Variants in COLEC12 observed in about 807,000 individuals in gnomAD.
The protein encoded by COLEC12 is collectin subfamily member 12.
COLEC12 carries 33 observed loss-of-function variants against 71.1 expected under a neutral mutation model. The ratio of observed to expected loss-of-function variants is 0.46; its 90% CI spans 0.35 to 0.62. COLEC12 has a LOEUF of 0.62. Among genes scored for constraint, COLEC12 ranks in the 20% least tolerant of loss-of-function variants. The pLI, the probability that COLEC12 is intolerant of heterozygous loss-of-function variation, is 0.00. For synonymous variants in COLEC12, 350 were observed against 353.0 expected (o/e 0.99, Z 0.10); for missense variants, 765 against 916.1 (o/e 0.84, Z 2.13).
rs1917801055 is a variant in COLEC12, at chr18:500,457, C to G, written c.7+51G>C. ...GCACCTCCGTGGCCTCCCGCGCGCCCCGAAGCCCGTTCCCCCCGCCCAGAG... is the reference window on the plus strand; with the variant it reads ...GCACCTCCGTGGCCTCCCGCGCGCCGCGAAGCCCGTTCCCCCCGCCCAGAG... On this transcript the variant is annotated intron_variant, in intron 1 of 9. Coordinates refer to ENST00000400256, the MANE Select transcript of COLEC12 (RefSeq NM_130386.3). The surrounding 1 kb of genome is among the most constrained non-coding windows in gnomAD (Gnocchi z 5.3). The G allele has an allele frequency of 3.3e-6, 4 of 1,214,704 alleles. No homozygotes were observed. The highest frequency in any genetic ancestry group is 3.2e-5 in the African/African-American group (2 of 63,424). 75.2% of individuals were successfully genotyped at this position (1,214,704 alleles called of 1,614,324 possible).
At chr18:394,462 G>A (rs1915526557) in intron 2 of COLEC12, among the ~76,000 whole-genome samples, 1 of 152,234 alleles carries the variant, frequency 6.6e-6, no homozygotes, top group Non-Finnish European at 1.5e-5. Flanking sequence ...ATTGGGTGAT[G>A]TAATACCACA....
intron 1 of COLEC12, among the ~76,000 whole-genome samples, chr18:488,588 T>C (rs1016118048): frequency 6.6e-6 from 1 of 151,934 alleles, no homozygotes; most frequent in Non-Finnish European, 1.5e-5. Flanking sequence ...CTAGGTGCAG[T>C]GGCTCACTGG....
chr18:469,449 C>T (rs1049067610), intron 2 of COLEC12, among the ~76,000 whole-genome samples: 4 of 152,174 alleles, frequency 2.6e-5, no homozygotes, highest in African/African-American at 9.7e-5. Context: ...CTTTATTGTC[C>T]ATGGTGTCCA....
intron 2 of COLEC12, among the ~76,000 whole-genome samples, chr18:428,338 C>T (rs974520911): frequency 6.6e-6 from 1 of 151,954 alleles, no homozygotes; most frequent in African/African-American, 2.4e-5. Flanking sequence ...GTTCTATGCA[C>T]TGGGAATATG....
In COLEC12 at chr18:319,188, G is replaced by T; in HGVS notation, c.*857C>A. The T allele has an allele frequency of 6.6e-6, 1 of 152,024 alleles. No individual in the cohort carries two copies. The highest frequency in any genetic ancestry group is 1.5e-5 in the Non-Finnish European group (1 of 67,962). The allele number at this position is 152,024 out of a possible 1,614,324, so 9.4% of individuals were successfully genotyped here. ...TGGTCAGGCACACGTCAAGAATGTT[G>T]GCTGGTGATGGGCTCAAGGCAGGCA... On this transcript the variant is annotated 3_prime_UTR_variant, in exon 10 of 10. Coordinates refer to ENST00000400256, the MANE Select transcript of COLEC12 (RefSeq NM_130386.3).
chr18:468,850 G>A (rs905967296), intron 2 of COLEC12, among the ~76,000 whole-genome samples: 5 of 152,202 alleles, frequency 3.3e-5, no homozygotes, highest in Admixed American at 2.0e-4. Context: ...GGACTTCACT[G>A]TTTATCGGAG....
At position 334,788 on chromosome 18, in the gene COLEC12, C is replaced by T; in HGVS notation, c.1770G>A (p.Val590=). ...TTGGCTCATTCTGCAGGGCCAGGGG[C>T]ACCACCGCTCCTGATGGGCCAGGAG... ...PGPPGPSGAV[V]PLALQNEPTP... Residue 590 remains valine (V), a synonymous_variant, in exon 6 of 10, where the codon GTG becomes GTA. Coordinates refer to ENST00000400256, the MANE Select transcript of COLEC12 (RefSeq NM_130386.3). The T allele has an allele frequency of 6.7e-7, 1 of 1,490,714 alleles. No homozygotes were observed. The highest frequency in any genetic ancestry group is 8.9e-7 in the Non-Finnish European group (1 of 1,126,956). 92.3% of individuals were successfully genotyped at this position (1,490,714 alleles called of 1,614,324 possible).
chr18:390,416 A>G (rs1468332355), intron 2 of COLEC12, among the ~76,000 whole-genome samples: 1 of 152,180 alleles, frequency 6.6e-6, no homozygotes, highest in Non-Finnish European at 1.5e-5. Flanking sequence ...AAACCAGTTC[A>G]ATGGGCTAAG....
At chr18:369,716 GA>G (rs1914959123) in intron 2 of COLEC12, among the ~76,000 whole-genome samples, 1 of 152,158 alleles carries the variant, frequency 6.6e-6, no homozygotes, top group South Asian at 2.1e-4. Flanking sequence ...TAGTGAAACT[GA>G]GAATGTTTAA....
intron 1 of COLEC12, among the ~76,000 whole-genome samples, chr18:489,683 A>G (rs960521638): frequency 6.6e-6 from 1 of 152,240 alleles, no homozygotes; most frequent in African/African-American, 2.4e-5. Flanking sequence ...GCTATGCAAG[A>G]AACATGACTC....
In COLEC12 at chr18:331,752, C is replaced by T. The variant is rs1393686777; in HGVS notation, c.1979G>A (p.Gly660Glu). The T allele has an allele frequency of 1.9e-6, 3 of 1,613,644 alleles. No individual in the cohort carries two copies. Among genetic ancestry groups the T allele is most frequent in the Non-Finnish European group, 2.5e-6 (3 of 1,179,636 alleles). ...EQQWIKKQMV[G>E]RESHWIGLTD... ...GAGGCCGATCCAGTGGCTCTCTCTC[C>T]CTACCATCTGTTTTTTTATCCATTG... Residue 660 changes from glycine (G) to glutamate (E), a missense_variant, in exon 8 of 10, where the codon GGG (glycine) becomes GAG (glutamate). Coordinates refer to ENST00000400256, the MANE Select transcript of COLEC12 (RefSeq NM_130386.3).
intron 2 of COLEC12, among the ~76,000 whole-genome samples, chr18:453,241 G>A (rs922481150): frequency 2.6e-5 from 4 of 152,224 alleles, no homozygotes; most frequent in African/African-American, 9.6e-5. Context: ...AGATAGGAAC[G>A]TGCTAGGAGA....
intron 2 of COLEC12, among the ~76,000 whole-genome samples, chr18:360,305 C>T (rs1914717308): frequency 6.6e-6 from 1 of 152,024 alleles, no homozygotes; most frequent in Non-Finnish European, 1.5e-5. Context: ...GCCTCAGCCT[C>T]CCGAGTAGCT....
intron 2 of COLEC12, among the ~76,000 whole-genome samples, chr18:432,485 A>C (rs530279447): frequency 6.6e-6 from 1 of 152,314 alleles, no homozygotes; most frequent in African/African-American, 2.4e-5. Context: ...AGGGGGTAAG[A>C]CTGCAATCAG....
At chr18:355,440 G>A (rs898771804) in intron 3 of COLEC12, among the ~76,000 whole-genome samples, 2 of 152,090 alleles carry the variant, frequency 1.3e-5, no homozygotes, top group African/African-American at 4.8e-5. Flanking sequence ...GCCAGAGCCA[G>A]GAAGGGCTTT....
chr18:476,099 T>C (rs1289072045), intron 2 of COLEC12, among the ~76,000 whole-genome samples: 1 of 152,246 alleles, frequency 6.6e-6, no homozygotes, highest in Non-Finnish European at 1.5e-5. Flanking sequence ...TTCAAGGACA[T>C]GCTTCAAAGA....
At chr18:435,810 G>A (rs1916392488) in intron 2 of COLEC12, among the ~76,000 whole-genome samples, 1 of 152,164 alleles carries the variant, frequency 6.6e-6, no homozygotes, top group African/African-American at 2.4e-5. Context: ...TGCAAAAAGT[G>A]TAGAAAGATA....
intron 2 of COLEC12, among the ~76,000 whole-genome samples, chr18:403,239 G>A (rs1158860552): frequency 6.6e-6 from 1 of 152,154 alleles, no homozygotes; most frequent in Non-Finnish European, 1.5e-5. Flanking sequence ...AACACAAATT[G>A]TATAGAGTTC....
At position 319,341 on chromosome 18, in the gene COLEC12, A is replaced by AATATAT. The variant is rs1555611774; in HGVS notation, c.*698_*703dup. 7.4e-5 allele frequency: 5 copies of AATATAT among 67,186 alleles called. No homozygotes were observed. In the East Asian group the frequency reaches 1.2e-3, roughly 16 times the overall value. The allele number at this position is 67,186 out of a possible 1,614,324, so 4.2% of individuals were successfully genotyped here. Reference sequence around the variant, plus strand: ...AACATTAAAAAAAAAAAAAAAAAAAAATATATATATATATATATATATACA... The same window carrying AATATAT: ...AACATTAAAAAAAAAAAAAAAAAAAAATATATATATATATATATATATATATATACA... On this transcript the variant is annotated 3_prime_UTR_variant, in exon 10 of 10. Transcript: ENST00000400256.
Sources: allele counts gnomAD v4.1 joint callset (sites outside exome capture counted in the v4.1 genomes callset), GRCh38; gene constraint gnomAD v4.1.1; non-coding constraint Gnocchi (gnomAD v3.1); transcripts MANE v1.5; gene names NCBI Gene and HGNC (gene_info 2026-07-23, HGNC 2026-07-21).